Variants in RASSF3 observed in about 807,000 individuals in gnomAD.
The protein encoded by RASSF3 is ras association domain-containing protein 3.
A neutral mutation model predicts 19.9 loss-of-function variants in RASSF3; 19 were observed. The ratio of observed to expected loss-of-function variants is 0.96; its 90% CI spans 0.67 to 1.40. RASSF3 has a LOEUF of 1.40. RASSF3 is among the 40% of genes most tolerant of loss of function. The pLI, the probability that RASSF3 is intolerant of heterozygous loss-of-function variation, is 0.00. For synonymous variants in RASSF3, 110 were observed against 104.2 expected (o/e 1.06, Z -0.34); for missense variants, 306 against 289.8 (o/e 1.06, Z -0.41).
intron 2 of RASSF3, among the ~76,000 whole-genome samples, chr12:64,594,789 G>A (rs367761373): frequency 2.0e-5 from 3 of 151,888 alleles, no homozygotes; most frequent in Non-Finnish European, 2.9e-5. Flanking sequence ...GGGGTGGTAC[G>A]GTGGTGGGTT....
intron 1 of RASSF3, among the ~76,000 whole-genome samples, chr12:64,512,340 G>A (rs534115264): frequency 5.9e-5 from 9 of 152,086 alleles, no homozygotes; most frequent in African/African-American, 1.4e-4. Context: ...ATGATCAGCC[G>A]GGCACAGTGG....
At chr12:64,675,045 G>C (rs1167889751) in intron 1 of RASSF3, among the ~76,000 whole-genome samples, 26 of 57,494 alleles carry the variant, frequency 4.5e-4, no homozygotes, top group African/African-American at 6.8e-4. Flanking sequence ...TACCCACCTA[G>C]CCCCCCCCCC....
intron 1 of RASSF3, among the ~76,000 whole-genome samples, chr12:64,633,536 C>T (rs1449054222): frequency 6.6e-6 from 1 of 152,000 alleles, no homozygotes; most frequent in East Asian, 1.9e-4. Flanking sequence ...CTGAGGTCCT[C>T]ACCAGGAGCA....
chr12:64,670,544 CTTTT>C (rs34897392), intron 1 of RASSF3, among the ~76,000 whole-genome samples: 4 of 131,300 alleles, frequency 3.0e-5, no homozygotes, highest in Non-Finnish European at 3.2e-5. Flanking sequence ...CTCTCTCTCT[CTTTT>C]TTTTTTTTTT....
At chr12:64,543,477 CA>C (rs1868989135), downstream of RASSF3, among the ~76,000 whole-genome samples, 2 of 91,242 alleles carry the variant, frequency 2.2e-5, no homozygotes, top group South Asian at 5.3e-4. Flanking sequence ...CCCGCCTGCC[CA>C]CCCCCCACTC....
At position 64,525,060 on chromosome 12, in the gene RASSF3, G is replaced by A. The variant is rs529126481; in HGVS notation, c.170-16521G>A. Among the ~76,000 whole-genome samples the A allele has an allele frequency of 9.9e-5, 15 of 152,242 alleles. No individual in the cohort carries two copies. The East Asian group carries it at 1.2e-3, about 12-fold the overall frequency. Reference sequence around the variant, plus strand: ...GGAGGCCGAGGCAGGTGGATCACCCGAGGTCAGGAGTTTGAGACCAGCATA... The same window carrying A: ...GGAGGCCGAGGCAGGTGGATCACCCAAGGTCAGGAGTTTGAGACCAGCATA... On this transcript the variant is annotated intron_variant, in intron 1 of 5. Transcript: ENST00000637125.
chr12:64,592,674 T>C (rs1437077100), intron 2 of RASSF3, among the ~76,000 whole-genome samples: 3 of 152,264 alleles, frequency 2.0e-5, no homozygotes, highest in African/African-American at 7.2e-5. Context: ...TCTTGCTCTG[T>C]TGCCCAGGCT....
intron 2 of RASSF3, among the ~76,000 whole-genome samples, chr12:64,687,225 C>T (rs1873392428): frequency 6.6e-6 from 1 of 152,032 alleles, no homozygotes; most frequent in Non-Finnish European, 1.5e-5. Context: ...TGGTCTCGAA[C>T]TCCTGACCTC....
At chr12:64,526,253 G>C (rs555352395) in intron 1 of RASSF3, among the ~76,000 whole-genome samples, 1 of 152,090 alleles carries the variant, frequency 6.6e-6, no homozygotes, top group Non-Finnish European at 1.5e-5. Flanking sequence ...TGTACTTATT[G>C]CGGAATGGTT....
Position 64,695,022 on chromosome 12 carries a change from GC to G in RASSF3, c.*112del. ...CTTGCCCCACTATGCTAGGGTCTTC[GC>G]CTTTCTATCTGTAGATTTTGTTCCC... On this transcript the variant is annotated 3_prime_UTR_variant, in exon 5 of 5. Coordinates refer to ENST00000542104, the MANE Select transcript of RASSF3 (RefSeq NM_178169.4). The G allele has an allele frequency of 8.3e-7, 1 of 1,198,920 alleles. No individual in the cohort carries two copies. Among genetic ancestry groups the G allele is most frequent in the Non-Finnish European group, 1.2e-6 (1 of 866,556 alleles). The allele number at this position is 1,198,920 out of a possible 1,614,324, so 74.3% of individuals were successfully genotyped here.
intron 1 of RASSF3, among the ~76,000 whole-genome samples, chr12:64,648,957 C>T (rs1020337116): frequency 4.0e-5 from 6 of 151,766 alleles, no homozygotes; most frequent in Non-Finnish European, 8.8e-5. Context: ...AGGTGTGTGC[C>T]ACCATGCCCG....
upstream of RASSF3, among the ~76,000 whole-genome samples, chr12:64,607,564 G>A (rs1165615610): frequency 1.3e-5 from 2 of 152,008 alleles, no homozygotes; most frequent in East Asian, 3.9e-4. Context: ...AGTAGAGATG[G>A]GGGTTTCACC....
chr12:64,682,596 G>C (rs1873178303), intron 1 of RASSF3, among the ~76,000 whole-genome samples: 2 of 151,094 alleles, frequency 1.3e-5, no homozygotes. Flanking sequence ...AAGTCACCGA[G>C]ATAATTTGTA....
At chr12:64,635,974 T>A (rs571862526) in intron 1 of RASSF3, among the ~76,000 whole-genome samples, 1 of 152,330 alleles carries the variant, frequency 6.6e-6, no homozygotes, top group Non-Finnish European at 1.5e-5. Context: ...ATTCCGAAAC[T>A]ATATTTCTTA....
At chr12:64,668,671 T>C (rs1020421335) in intron 1 of RASSF3, among the ~76,000 whole-genome samples, 10 of 149,032 alleles carry the variant, frequency 6.7e-5, no homozygotes, top group Non-Finnish European at 1.2e-4. Context: ...GTTGACTGTT[T>C]TAATTTTGAT....
chr12:64,598,194 C>T (rs1430088717), intron 2 of RASSF3, among the ~76,000 whole-genome samples: 1 of 152,236 alleles, frequency 6.6e-6, no homozygotes, highest in Admixed American at 6.5e-5. Context: ...GCTGGGATTA[C>T]AGGCGTGAGC....
At chr12:64,625,143 A>G (rs906578345) in intron 1 of RASSF3, among the ~76,000 whole-genome samples, 57 of 152,270 alleles carry the variant, frequency 3.7e-4, no homozygotes, top group African/African-American at 1.4e-3. Context: ...CATTGGCTTT[A>G]TTAACCAAAA....
intron 2 of RASSF3, among the ~76,000 whole-genome samples, chr12:64,595,288 G>A (rs909123256): frequency 2.8e-4 from 43 of 151,812 alleles, no homozygotes; most frequent in African/African-American, 1.0e-3. Flanking sequence ...GGCTGGTCTC[G>A]AAGTCCTGAC....
rs1188494012 is a variant in RASSF3, at chr12:64,655,301, T to C, written c.112-29486T>C. 3.3e-5 allele frequency among the ~76,000 whole-genome samples: 5 copies of C among 152,342 alleles called. No homozygotes were observed. In the South Asian group the frequency reaches 8.3e-4, roughly 25 times the overall value. ...GATGCAACATCAGGATTTTCAAAAATACACATAACGAAGTGTTGTGTAATC... is the reference window on the plus strand; with the variant it reads ...GATGCAACATCAGGATTTTCAAAAACACACATAACGAAGTGTTGTGTAATC... On this transcript the variant is annotated intron_variant, in intron 1 of 4. Coordinates refer to ENST00000542104, the MANE Select transcript of RASSF3 (RefSeq NM_178169.4).
Sources: allele counts gnomAD v4.1 joint callset (sites outside exome capture counted in the v4.1 genomes callset), GRCh38; gene constraint gnomAD v4.1.1; transcripts MANE v1.5; gene names NCBI Gene and HGNC (gene_info 2026-07-23, HGNC 2026-07-21).